The following COL4A1 variants were observed in gnomAD, a reference collection of about 807,000 sequenced individuals.
COL4A1 encodes collagen type IV alpha 1 chain.
Under a neutral mutation model 216.6 loss-of-function variants are expected in COL4A1, and 40 were observed. The ratio of observed to expected loss-of-function variants is 0.18; its 90% CI spans 0.14 to 0.24. The LOEUF is 0.24. COL4A1 is among the 10% of genes least tolerant of loss of function. COL4A1 has a pLI of 1.00. For synonymous variants in COL4A1, 839 were observed against 810.7 expected (o/e 1.03, Z -0.59); for missense variants, 1,628 against 2,196.8 (o/e 0.74, Z 5.18).
At chr13:110,289,348 A>G (rs1428192356) in intron 1 of COL4A1, among the ~76,000 whole-genome samples, 1 of 152,132 alleles carries the variant, frequency 6.6e-6, no homozygotes, top group African/African-American at 2.4e-5. Flanking sequence ...AGGCAAAAGA[A>G]CAGCTTCCCT....
At chr13:110,247,835 G>GT (rs765744265) in intron 1 of COL4A1, among the ~76,000 whole-genome samples, 24,687 of 95,974 alleles carry the variant, frequency 0.26, 4,120 homozygotes, top group Non-Finnish European at 0.3. Flanking sequence ...GTGTGTGTGT[G>GT]GCAGAGAGAG....
intron 29 of COL4A1, 31 bp downstream of exon 29, chr13:110,181,261 A>G: frequency 6.3e-7 from 1 of 1,596,448 alleles, no homozygotes; most frequent in Non-Finnish European, 8.6e-7. Context: ...GATGGGGGAG[A>G]AGGGTCATGG....
At chr13:110,243,605 C>A (rs947036030) in intron 1 of COL4A1, among the ~76,000 whole-genome samples, 2 of 152,208 alleles carry the variant, frequency 1.3e-5, no homozygotes, top group African/African-American at 2.4e-5. Context: ...AGGCATGAGA[C>A]ACTGTGCCCA....
intron 2 of COL4A1, among the ~76,000 whole-genome samples, chr13:110,239,329 T>C (rs1484581535): frequency 6.6e-6 from 1 of 152,222 alleles, no homozygotes; most frequent in South Asian, 2.1e-4. Flanking sequence ...GATATTCCAG[T>C]TTCTGTTGAG....
rs552735898 is a variant in COL4A1 at position 110,159,994 on chromosome 13, T to G, written c.4640+1198A>C. Among the ~76,000 whole-genome samples, 100 of 152,050 alleles carry G rather than the reference T, an allele frequency of 6.6e-4. 1 individual carries two copies. Among genetic ancestry groups the G allele is most frequent in the South Asian group, 8.3e-4 (4 of 4,810 alleles). On this transcript the variant is annotated intron_variant, in intron 49 of 51. Coordinates refer to ENST00000375820, the MANE Select transcript of COL4A1 (RefSeq NM_001845.6). ...TGTTTAACAGGGACAGAGTTTGAGT[T>G]TGGGAAAATAAAAAAGTTCAGGAGA...
intron 2 of COL4A1, among the ~76,000 whole-genome samples, chr13:110,221,107 C>T (rs958330044): frequency 2.0e-5 from 3 of 152,208 alleles, no homozygotes; most frequent in Non-Finnish European, 4.4e-5. Context: ...ATGATGAATT[C>T]TGGCACAATT....
chr13:110,208,567 C>T lies in COL4A1; in HGVS notation c.693+282G>A, dbSNP rs145031157. On this transcript the variant is annotated intron_variant, in intron 12 of 51. Coordinates refer to ENST00000375820, the MANE Select transcript of COL4A1 (RefSeq NM_001845.6). ...ATCCTAGGTCTGACCTCATCACTGA[C>T]GAAGAAGAGTTTGAACTCTTTGTAC... Among the ~76,000 whole-genome samples, 338 of 152,304 alleles carry T rather than the reference C, an allele frequency of 2.2e-3. 2 individuals are homozygous for T. Among genetic ancestry groups the T allele is most frequent in the African/African-American group, 7.5e-3 (311 of 41,566 alleles).
intron 2 of COL4A1, among the ~76,000 whole-genome samples, chr13:110,218,540 T>C (rs1880205973): frequency 6.6e-6 from 1 of 152,224 alleles, no homozygotes; most frequent in South Asian, 2.1e-4. Context: ...TATTCATTCA[T>C]GGTGTTTGAA....
In COL4A1 at chr13:110,150,149, A is replaced by G; in HGVS notation, c.*214T>C. 1.6e-6 allele frequency: 1 copy of G among 608,164 alleles called. No individual in the cohort carries two copies. The highest frequency in any genetic ancestry group is 3.0e-6 in the Non-Finnish European group (1 of 337,288). The allele number at this position is 608,164 out of a possible 1,614,324, so 37.7% of individuals were successfully genotyped here. ...TATTTCATCAAAAGTGCCATTTGGT[A>G]TGCCACTATTGAAAGCTTATCGCTG... On this transcript the variant is annotated 3_prime_UTR_variant, in exon 52 of 52. Coordinates refer to ENST00000375820, the MANE Select transcript of COL4A1 (RefSeq NM_001845.6).
Position 110,298,368 on chromosome 13 carries a change from G to T in COL4A1, c.84+8576C>A, listed in dbSNP as rs575912223. Among the ~76,000 whole-genome samples the T allele has an allele frequency of 6.1e-4, 93 of 152,258 alleles. 1 individual carries two copies. Among genetic ancestry groups the T allele is most frequent in the African/African-American group, 2.2e-3 (92 of 41,546 alleles). On this transcript the variant is annotated intron_variant, in intron 1 of 51. Coordinates refer to ENST00000375820, the MANE Select transcript of COL4A1 (RefSeq NM_001845.6). ...GAATGAGAAATCTTTCAAGAAGATC[G>T]CCCACTACATATCCTACGTAATAAA...
chr13:110,209,881 C>A, intron 10 of COL4A1, 99 bp downstream of exon 10: 1 of 1,421,446 alleles, frequency 7.0e-7, no homozygotes. Flanking sequence ...AGAGCGACCA[C>A]AACTGTGTAA....
intron 2 of COL4A1, among the ~76,000 whole-genome samples, chr13:110,227,904 C>T (rs949002463): frequency 6.6e-6 from 1 of 152,202 alleles, no homozygotes. Flanking sequence ...TCCGGGGAGG[C>T]CCGCTGTGGA....
chr13:110,186,692 C>T, intron 25 of COL4A1, 139 bp from the exon 26 acceptor site: 2 of 1,048,434 alleles, frequency 1.9e-6, no homozygotes, highest in Non-Finnish European at 2.8e-6. Flanking sequence ...TCTACCCTCC[C>T]AGGAGGGCCA....
intron 1 of COL4A1, among the ~76,000 whole-genome samples, chr13:110,284,069 G>A (rs1883744458): frequency 1.3e-5 from 2 of 152,196 alleles, no homozygotes; most frequent in South Asian, 2.1e-4. Context: ...GGCCACCAAC[G>A]GGCAGGGATC....
At chr13:110,259,374 AC>A (rs1338479258) in intron 1 of COL4A1, among the ~76,000 whole-genome samples, 1 of 152,232 alleles carries the variant, frequency 6.6e-6, no homozygotes, top group African/African-American at 2.4e-5. Context: ...TCTGAAACAA[AC>A]TGAAAGTATT....
At chr13:110,272,874 T>C (rs943382874) in intron 1 of COL4A1, among the ~76,000 whole-genome samples, 2 of 152,168 alleles carry the variant, frequency 1.3e-5, no homozygotes, top group African/African-American at 4.8e-5. Context: ...CCTGTCACCA[T>C]CAATAAGGTG....
intron 45 of COL4A1, among the ~76,000 whole-genome samples, chr13:110,165,808 G>A (rs1039331746): frequency 5.3e-5 from 8 of 152,138 alleles, no homozygotes; most frequent in African/African-American, 1.4e-4. Flanking sequence ...GGCTCCCACC[G>A]GTGGAGAAGC....
intron 2 of COL4A1, among the ~76,000 whole-genome samples, chr13:110,225,822 G>A (rs1880714989): frequency 6.6e-6 from 1 of 152,170 alleles, no homozygotes. Flanking sequence ...GAATTCTGGT[G>A]CTGGCTCCAG....
At chr13:110,244,700 G>A (rs1881711575) in intron 1 of COL4A1, among the ~76,000 whole-genome samples, 2 of 152,096 alleles carry the variant, frequency 1.3e-5, no homozygotes, top group Admixed American at 6.5e-5. Flanking sequence ...CACGTTTCTC[G>A]TTGTTTACTT....
Sources: allele counts gnomAD v4.1 joint callset (sites outside exome capture counted in the v4.1 genomes callset), GRCh38; gene constraint gnomAD v4.1.1; transcripts MANE v1.5; gene names NCBI Gene and HGNC (gene_info 2026-07-23, HGNC 2026-07-21).